NRG1: variants seen among roughly 807,000 people sequenced by gnomAD.
NRG1 encodes the protein pro-neuregulin-1, membrane-bound isoform.
Under a neutral mutation model 63.8 loss-of-function variants are expected in NRG1, and 18 were observed. The observed-to-expected ratio is 0.28, with a 90% CI of 0.19 to 0.42. The LOEUF (loss-of-function observed/expected upper bound fraction) is 0.42. Ranked by LOEUF, NRG1 falls within the 10% of genes least tolerant of loss-of-function variation. The pLI, the probability that NRG1 is intolerant of heterozygous loss-of-function variation, is 1.00. For synonymous variants in NRG1, 302 were observed against 301.3 expected (o/e 1.00, Z -0.02); for missense variants, 762 against 814.7 (o/e 0.94, Z 0.79).
intron 1 of NRG1, among the ~76,000 whole-genome samples, chr8:31,930,690 A>C (rs1834786324): frequency 6.6e-6 from 1 of 152,206 alleles, no homozygotes; most frequent in Non-Finnish European, 1.5e-5. Flanking sequence ...ACAACTTGCT[A>C]TGTAACCTTT....
intron 1 of NRG1, among the ~76,000 whole-genome samples, chr8:32,551,218 T>G (rs1834038746): frequency 6.6e-6 from 1 of 152,340 alleles, no homozygotes; most frequent in African/African-American, 2.4e-5. Flanking sequence ...GAACGACCTA[T>G]AGATGCCATA....
At chr8:31,969,308 T>C (rs1806893243) in intron 1 of NRG1, among the ~76,000 whole-genome samples, 1 of 152,238 alleles carries the variant, frequency 6.6e-6, no homozygotes, top group Admixed American at 6.5e-5. Context: ...TTAATACTAA[T>C]ATCATTTTGG....
chr8:32,529,351 G>A (rs562959636), intron 1 of NRG1, among the ~76,000 whole-genome samples: 31 of 152,266 alleles, frequency 2.0e-4, no homozygotes, highest in African/African-American at 6.7e-4. Context: ...GTAAGTGACC[G>A]TGAAGGCCCA....
intron 1 of NRG1, among the ~76,000 whole-genome samples, chr8:31,784,373 C>T (rs147299253): frequency 5.3e-5 from 8 of 152,272 alleles, no homozygotes; most frequent in Non-Finnish European, 1.0e-4. Context: ...GGATTTTCCA[C>T]GTGTGGCTCT....
intron 1 of NRG1, among the ~76,000 whole-genome samples, chr8:32,475,675 A>G (rs764898338): frequency 3.1e-4 from 47 of 152,098 alleles, no homozygotes; most frequent in Non-Finnish European, 5.0e-4. Flanking sequence ...CCTACCAAGT[A>G]GCTGAGACTA....
At chr8:32,336,843 C>T (rs1286736115) in intron 1 of NRG1, among the ~76,000 whole-genome samples, 1 of 152,138 alleles carries the variant, frequency 6.6e-6, no homozygotes, top group Non-Finnish European at 1.5e-5. Flanking sequence ...CTCCTGTGCT[C>T]AGGTGATCCA....
chr8:32,763,697 A>G (rs1831112798), intron 11 of NRG1, 51 bp from the exon 12 acceptor site: 9 of 1,489,824 alleles, frequency 6.0e-6, no homozygotes, highest in Non-Finnish European at 6.3e-6. Context: ...CTTCCCTGCT[A>G]TGTGCCTCTT....
At chr8:31,748,264 G>T (rs970702432) in intron 1 of NRG1, among the ~76,000 whole-genome samples, 4 of 151,858 alleles carry the variant, frequency 2.6e-5, no homozygotes, top group African/African-American at 9.6e-5. Flanking sequence ...TATATTCCAG[G>T]CACTATTATA....
At chr8:32,751,369 T>C (rs1315601173) in intron 7 of NRG1, among the ~76,000 whole-genome samples, 2 of 152,176 alleles carry the variant, frequency 1.3e-5, no homozygotes, top group African/African-American at 4.8e-5. Flanking sequence ...GGGGCATTTG[T>C]GCTCATTGAG....
chr8:31,739,668 G>A (rs1034977705), intron 1 of NRG1, among the ~76,000 whole-genome samples: 2 of 152,042 alleles, frequency 1.3e-5, no homozygotes, highest in African/African-American at 4.8e-5. Context: ...ATGACATTTG[G>A]GGGGAGCATG....
chr8:31,819,935 A>G (rs1823844556), intron 1 of NRG1, among the ~76,000 whole-genome samples: 1 of 152,234 alleles, frequency 6.6e-6, no homozygotes, highest in Non-Finnish European at 1.5e-5. Flanking sequence ...CTTCATCTTT[A>G]CATCAAGTTT....
chr8:32,121,026 G>T (rs1350537901), intron 1 of NRG1, among the ~76,000 whole-genome samples: 1 of 151,992 alleles, frequency 6.6e-6, no homozygotes. Flanking sequence ...TGGTCAATTA[G>T]TTTCTCATAC....
intron 1 of NRG1, among the ~76,000 whole-genome samples, chr8:32,121,730 A>C (rs1833477459): frequency 6.6e-6 from 1 of 152,018 alleles, no homozygotes; most frequent in African/African-American, 2.4e-5. Flanking sequence ...AGAGAGAAAG[A>C]GAGAGAATTC....
intron 1 of NRG1, chr8:32,139,278 G>T (rs994299614): frequency 6.6e-6 from 1 of 152,078 alleles, no homozygotes; most frequent in Non-Finnish European, 1.5e-5. Context: ...TCCTTTGACC[G>T]CCATTTCTCC....
At chr8:32,462,672 C>T (rs955713992) in intron 1 of NRG1, among the ~76,000 whole-genome samples, 32 of 138,576 alleles carry the variant, frequency 2.3e-4, no homozygotes, top group Admixed American at 1.7e-3. Flanking sequence ...GGCGCAATCT[C>T]GGCTCACTGC....
At chr8:32,700,732 T>G (rs1401949641) in intron 5 of NRG1, among the ~76,000 whole-genome samples, 1 of 152,230 alleles carries the variant, frequency 6.6e-6, no homozygotes, top group Non-Finnish European at 1.5e-5. Flanking sequence ...ATGTAGTGTA[T>G]TATGCTAAGA....
intron 1 of NRG1, among the ~76,000 whole-genome samples, chr8:32,024,418 G>A (rs1490200824): frequency 6.6e-6 from 1 of 152,248 alleles, no homozygotes; most frequent in Non-Finnish European, 1.5e-5. Context: ...GAGCGGAAGG[G>A]CAGAGGAAGG....
At chr8:31,747,040 G>A (rs1274462524) in intron 1 of NRG1, among the ~76,000 whole-genome samples, 1 of 151,836 alleles carries the variant, frequency 6.6e-6, no homozygotes, top group African/African-American at 2.4e-5. Context: ...TGGTTGGGGA[G>A]GTAGGGGTGG....
intron 1 of NRG1, among the ~76,000 whole-genome samples, chr8:32,194,433 A>G (rs887271401): frequency 1.8e-4 from 27 of 152,182 alleles, no homozygotes; most frequent in Admixed American, 1.4e-3. Flanking sequence ...ATGCCACATC[A>G]TGATGATTCA....
Sources: gnomAD v4.1 joint callset for allele counts (sites outside exome capture counted in the v4.1 genomes callset) on GRCh38, gnomAD v4.1.1 for gene constraint, MANE v1.5 for transcripts, NCBI Gene and HGNC (gene_info 2026-07-23, HGNC 2026-07-21) for gene names.